Variants in STXBP5L observed in about 807,000 individuals in gnomAD.
STXBP5L encodes the protein syntaxin binding protein 5L, also known as syntaxin-binding protein 5-like.
In STXBP5L, 65 loss-of-function variants were observed where a neutral mutation model predicts 144.5. That is an observed-to-expected ratio of 0.45 (90% CI 0.37 to 0.55). The LOEUF (loss-of-function observed/expected upper bound fraction) is 0.55. Among genes scored for constraint, STXBP5L ranks in the 20% least tolerant of loss-of-function variants. The probability of loss-of-function intolerance (pLI) is 0.00; values close to 1 mark genes in which losing one functional copy is unlikely to be tolerated. For synonymous variants in STXBP5L, 505 were observed against 469.6 expected (o/e 1.08, Z -0.97); for missense variants, 1,298 against 1,405.5 (o/e 0.92, Z 1.22).
chr3:121,029,342 A>G (rs1425937629), intron 3 of STXBP5L, among the ~76,000 whole-genome samples: 3 of 152,144 alleles, frequency 2.0e-5, no homozygotes, highest in African/African-American at 7.2e-5. Flanking sequence ...TATATAGACC[A>G]ATGGAACACA....
Position 121,041,188 on chromosome 3 carries a change from G to A in STXBP5L, c.288-512G>A, listed in dbSNP as rs72968831. 2.5e-3 allele frequency among the ~76,000 whole-genome samples: 379 copies of A among 149,266 alleles called. 2 individuals carry two copies. Among genetic ancestry groups the A allele is most frequent in the African/African-American group, 8.8e-3 (356 of 40,538 alleles). ...TTTTCTCGTTTTTTTACCTTATCAT[G>A]TTTTTCTGTGTAGATGTTTTATACT... On this transcript the variant is annotated intron_variant, in intron 3 of 26. Coordinates refer to ENST00000471454, the MANE Select transcript of STXBP5L (RefSeq NM_001308330.2).
chr3:121,401,148 C>T (rs536655589), intron 22 of STXBP5L, among the ~76,000 whole-genome samples: 5 of 152,192 alleles, frequency 3.3e-5, no homozygotes, highest in South Asian at 2.1e-4. Flanking sequence ...GTTCAGTATG[C>T]GGGTTCACAG....
rs534970050 is a variant in STXBP5L at position 121,345,409 on chromosome 3, C to T, written c.2176+26869C>T. 2.2e-4 allele frequency among the ~76,000 whole-genome samples: 33 copies of T among 152,140 alleles called. 1 individual carries two copies. Among genetic ancestry groups the T allele is most frequent in the Middle Eastern group, 3.4e-3 (1 of 294 alleles). On this transcript the variant is annotated intron_variant, in intron 20 of 26. Transcript: ENST00000471454. ...ACATTTTCTTAATTCAGCCTATCATCGATGGACATTTGGATTGTTTCCAAG... is the reference window on the plus strand; with the variant it reads ...ACATTTTCTTAATTCAGCCTATCATTGATGGACATTTGGATTGTTTCCAAG...
intron 5 of STXBP5L, among the ~76,000 whole-genome samples, chr3:121,073,125 T>A (rs1039770834): frequency 7.2e-5 from 11 of 152,230 alleles, no homozygotes; most frequent in African/African-American, 2.4e-4. Flanking sequence ...CATCTGGGTC[T>A]CTTAAGGGCT....
intron 22 of STXBP5L, among the ~76,000 whole-genome samples, chr3:121,399,224 C>A (rs1190598179): frequency 6.6e-6 from 1 of 152,080 alleles, no homozygotes; most frequent in African/African-American, 2.4e-5. Flanking sequence ...CCATTGTTAC[C>A]CTGATGCTTC....
rs150172374 is a variant in STXBP5L, at chr3:121,246,060, C to T, written c.1401-4663C>T. On this transcript the variant is annotated intron_variant, in intron 14 of 26. Transcript: ENST00000471454. ...CCAGGGGTCCACAACCCCTGGGCTG[C>T]AGACCAGTACCAGTCCATGGCCTGT... Among the ~76,000 whole-genome samples, 1,428 of 152,248 alleles carry T rather than the reference C, an allele frequency of 9.4e-3. 8 individuals are homozygous for T. Among genetic ancestry groups the T allele is most frequent in the Middle Eastern group, 0.02 (6 of 294 alleles).
chr3:121,140,890 A>G (rs942154724), intron 7 of STXBP5L, among the ~76,000 whole-genome samples: 4 of 151,950 alleles, frequency 2.6e-5, no homozygotes, highest in African/African-American at 9.7e-5. Context: ...TGTAGATGTT[A>G]TGTGATCTTA....
At chr3:121,243,922 G>A (rs2049754574) in intron 14 of STXBP5L, among the ~76,000 whole-genome samples, 2 of 152,040 alleles carry the variant, frequency 1.3e-5, no homozygotes, top group Admixed American at 6.6e-5. Flanking sequence ...TGTTAGTTCT[G>A]TTCAGAAATA....
At position 121,041,844 on chromosome 3, in the gene STXBP5L, T is replaced by C. The variant is rs1469386534; in HGVS notation, c.369+63T>C. On this transcript the variant is annotated intron_variant, in intron 4 of 26. Coordinates refer to ENST00000471454, the MANE Select transcript of STXBP5L (RefSeq NM_001308330.2). Reference sequence around the variant, plus strand: ...CCCCACTACACAGTGAATCAGTTAATGTAATCTTTTAAATACTGTGATTCT... The same window carrying C: ...CCCCACTACACAGTGAATCAGTTAACGTAATCTTTTAAATACTGTGATTCT... 5 of 1,079,544 alleles carry C rather than the reference T, an allele frequency of 4.6e-6. No homozygotes were observed. In the African/African-American group the frequency reaches 6.2e-5, roughly 13 times the overall value. 66.9% of individuals were successfully genotyped at this position (1,079,544 alleles called of 1,614,324 possible).
intron 3 of STXBP5L, among the ~76,000 whole-genome samples, chr3:121,037,944 T>C (rs1166432976): frequency 1.3e-5 from 2 of 152,032 alleles, no homozygotes; most frequent in Non-Finnish European, 2.9e-5. Context: ...TGGCATAATT[T>C]TTTAAATAAT....
At chr3:121,331,550 G>A (rs1035994695) in intron 20 of STXBP5L, among the ~76,000 whole-genome samples, 2 of 152,202 alleles carry the variant, frequency 1.3e-5, no homozygotes, top group African/African-American at 4.8e-5. Context: ...ACTGGGTGAA[G>A]AGTGTGTCTG....
chr3:121,305,971 A>G (rs73183138), intron 19 of STXBP5L, among the ~76,000 whole-genome samples: 5,413 of 152,306 alleles, frequency 0.036, 147 homozygotes, highest in Middle Eastern at 0.082. Context: ...TTATATTTCT[A>G]TATAAATAAC....
chr3:121,016,424 A>G (rs9861282), intron 3 of STXBP5L, among the ~76,000 whole-genome samples: 15,123 of 152,272 alleles, frequency 0.099, 1,184 homozygotes, highest in Admixed American at 0.2. Context: ...CTAAGATTCA[A>G]AAGGAAATTC....
chr3:121,257,146 C>T lies in STXBP5L; in HGVS notation c.1660-15C>T, dbSNP rs572271096. ...TAGTGTGACTTAAATTAAATTTAAACTTGATTTTTTTAAGTCATTAGAGGT... is the reference window on the plus strand; with the variant it reads ...TAGTGTGACTTAAATTAAATTTAAATTTGATTTTTTTAAGTCATTAGAGGT... On this transcript the variant is annotated splice_polypyrimidine_tract_variant and intron_variant, in intron 16 of 26. Coordinates refer to ENST00000471454, the MANE Select transcript of STXBP5L (RefSeq NM_001308330.2). The T allele has an allele frequency of 6.4e-7, 1 of 1,563,434 alleles. No homozygotes were observed. Among genetic ancestry groups the T allele is most frequent in the African/African-American group, 1.4e-5 (1 of 73,468 alleles).
At chr3:121,195,176 G>A (rs974852831) in intron 9 of STXBP5L, among the ~76,000 whole-genome samples, 10 of 151,646 alleles carry the variant, frequency 6.6e-5, no homozygotes, top group East Asian at 1.9e-4. Flanking sequence ...TGCCCACCTC[G>A]GCTTCCCAAA....
intron 5 of STXBP5L, among the ~76,000 whole-genome samples, chr3:121,089,857 G>T (rs1181516483): frequency 6.6e-6 from 1 of 151,868 alleles, no homozygotes; most frequent in Non-Finnish European, 1.5e-5. Context: ...TTATTCTGGT[G>T]TTTAGCTTAT....
At chr3:121,044,675 T>C (rs1377787685) in intron 4 of STXBP5L, among the ~76,000 whole-genome samples, 2 of 152,152 alleles carry the variant, frequency 1.3e-5, no homozygotes, top group African/African-American at 4.8e-5. Context: ...TAAAATGATC[T>C]GATTTAACCC....
intron 7 of STXBP5L, among the ~76,000 whole-genome samples, chr3:121,139,418 T>C (rs1489246100): frequency 6.6e-6 from 1 of 152,008 alleles, no homozygotes; most frequent in Non-Finnish European, 1.5e-5. Context: ...AAAAACCCTA[T>C]GAGAGGAGTA....
At chr3:120,920,968 T>C (rs1709332467) in intron 2 of STXBP5L, among the ~76,000 whole-genome samples, 1 of 151,950 alleles carries the variant, frequency 6.6e-6, no homozygotes, top group Admixed American at 6.6e-5. Flanking sequence ...AATATCTCTT[T>C]GATATATTGA....
Sources: gnomAD v4.1 joint callset for allele counts (sites outside exome capture counted in the v4.1 genomes callset) on GRCh38, gnomAD v4.1.1 for gene constraint, MANE v1.5 for transcripts, NCBI Gene and HGNC (gene_info 2026-07-23, HGNC 2026-07-21) for gene names.